The following MACF1 variants were observed in gnomAD, a reference collection of about 807,000 sequenced individuals.
MACF1 encodes microtubule actin crosslinking factor 1.
Under a neutral mutation model 854.8 loss-of-function variants are expected in MACF1, and 193 were observed. The ratio of observed to expected loss-of-function variants is 0.23; its 90% CI spans 0.20 to 0.25. The LOEUF (loss-of-function observed/expected upper bound fraction) is 0.25, where lower values mean the gene tolerates loss of function less well. MACF1 is among the 10% of genes least tolerant of loss of function. MACF1 has a pLI of 1.00. For synonymous variants in MACF1, 3,185 were observed against 3,226.7 expected, an observed-to-expected ratio of 0.99 and a Z score of 0.44; for missense variants, 7,722 against 8,929.1, an observed-to-expected ratio of 0.86 and a Z score of 5.45.
intron 23 of MACF1, among the ~76,000 whole-genome samples, chr1:39,306,159 T>C (rs1275933166): frequency 7.0e-6 from 1 of 143,872 alleles, no homozygotes; most frequent in African/African-American, 2.5e-5. Context: ...CTTTCTTTAC[T>C]TTTTTTTTTT....
intron 3 of MACF1, 102 bp downstream of exon 3, chr1:39,250,205 A>T: frequency 1.5e-6 from 1 of 657,764 alleles, no homozygotes; most frequent in Non-Finnish European, 2.6e-6. Context: ...TGTTTCATCT[A>T]TTAGAGGGGA....
intron 62 of MACF1, 23 bp from the exon 63 acceptor site, chr1:39,427,936 TCA>T: frequency 6.5e-7 from 1 of 1,531,344 alleles, no homozygotes; most frequent in Non-Finnish European, 8.9e-7. Flanking sequence ...TTTCTGTTAT[TCA>T]TTTTTTCCAT....
At chr1:39,323,316 G>A (rs1056614638) in intron 33 of MACF1, among the ~76,000 whole-genome samples, 3 of 151,948 alleles carry the variant, frequency 2.0e-5, no homozygotes, top group Non-Finnish European at 4.4e-5. Flanking sequence ...ACTCCAGCCT[G>A]GGCAATAGGC....
At chr1:39,232,746 G>GTTTTTTTTTTTTTTTTTTTTTTTTTTTTT (rs10712180) in intron 2 of MACF1, among the ~76,000 whole-genome samples, 4 of 128,500 alleles carry the variant, frequency 3.1e-5, no homozygotes, top group African/African-American at 5.8e-5. Flanking sequence ...TACTCTCTTT[G>GTTTTTTTTTTTTTTTTTTTTTTTTTTTTT]TTTTTTTTTT....
chr1:39,290,427 A>C (rs1003845967), intron 15 of MACF1, among the ~76,000 whole-genome samples: 1 of 152,134 alleles, frequency 6.6e-6, no homozygotes, highest in African/African-American at 2.4e-5. Flanking sequence ...CTATTTGGTT[A>C]CTATAGCTCT....
intron 2 of MACF1, among the ~76,000 whole-genome samples, chr1:39,121,695 G>A (rs1052906469): frequency 1.4e-4 from 22 of 152,130 alleles, no homozygotes; most frequent in Admixed American, 1.3e-3. Flanking sequence ...TAGTCCGCTC[G>A]TCTTGGCCTC....
intron 26 of MACF1, among the ~76,000 whole-genome samples, chr1:39,315,146 A>G (rs1003819144): frequency 1.3e-5 from 2 of 152,004 alleles, no homozygotes; most frequent in Non-Finnish European, 2.9e-5. Flanking sequence ...TTTCAATTCC[A>G]TCCTTTTCAT....
chr1:39,413,990 C>A, intron 58 of MACF1: 1 of 1,608,160 alleles, frequency 6.2e-7, no homozygotes, highest in Non-Finnish European at 8.5e-7. Flanking sequence ...GAGGAGCCCA[C>A]CTCCCCAGCA....
chr1:39,332,559 A>G lies in MACF1; in HGVS notation c.5971A>G (p.Thr1991Ala). ...LLLLDKELMETLTSRDEYQTS... is the reference protein window; with the variant it reads ...LLLLDKELMEALTSRDEYQTS... ...TCTGTTAGATAAAGAGCTGATGGAGACACTAACATCCAGAGATGAGTATCA... is the reference window on the plus strand; with the variant it reads ...TCTGTTAGATAAAGAGCTGATGGAGGCACTAACATCCAGAGATGAGTATCA... The change falls in exon 37 of 101, where the codon ACA becomes GCA. Residue 1991 changes from threonine (T) to alanine (A), a missense_variant. Physicochemically the swap from Thr to Ala is moderately conservative, Grantham distance 58 (BLOSUM62 0). Around this residue, in one of 15 missense-constraint regions of MACF1, gnomAD observed 1,531 missense variants for 1,601.6 expected, o/e 0.96. Transcript: ENST00000564288. 6.2e-7 allele frequency: 1 copy of G among 1,614,134 alleles called. No individual in the cohort carries two copies. The highest frequency in any genetic ancestry group is 8.5e-7 in the Non-Finnish European group (1 of 1,180,014).
chr1:39,112,636 A>C (rs1642441400), intron 2 of MACF1, among the ~76,000 whole-genome samples: 1 of 152,116 alleles, frequency 6.6e-6, no homozygotes, highest in Non-Finnish European at 1.5e-5. Context: ...AGCCAAGATG[A>C]CACCACTGCA....
intron 29 of MACF1, 110 bp from the exon 30 acceptor site, chr1:39,318,343 C>T (rs2148448242): frequency 3.3e-6 from 3 of 917,958 alleles, no homozygotes; most frequent in East Asian, 2.5e-5. Flanking sequence ...AAAGATGGAT[C>T]GTTTGTGGTC....
intron 38 of MACF1, 35 bp from the exon 39 acceptor site, chr1:39,340,467 T>C: frequency 6.6e-7 from 1 of 1,507,654 alleles, no homozygotes; most frequent in Middle Eastern, 1.7e-4. Flanking sequence ...GTTTCTAGTC[T>C]TGCTTTTATA....
intron 1 of MACF1, among the ~76,000 whole-genome samples, chr1:39,210,295 T>G (rs1243372426): frequency 6.6e-6 from 1 of 152,134 alleles, no homozygotes; most frequent in Non-Finnish European, 1.5e-5. Context: ...GTCATATATC[T>G]AACATATCTT....
At chr1:39,234,442 G>C in intron 2 of MACF1, among the ~76,000 whole-genome samples, 1 of 148,478 alleles carries the variant, frequency 6.7e-6, no homozygotes, top group South Asian at 2.1e-4. Context: ...CTCCCTCCCG[G>C]ACGGGGCGGC....
chr1:39,161,735 C>T (rs1365318919), intron 2 of MACF1, among the ~76,000 whole-genome samples: 3 of 151,804 alleles, frequency 2.0e-5, no homozygotes, highest in African/African-American at 4.8e-5. Flanking sequence ...GGCGTGGTGG[C>T]GGGCGCCTGT....
At chr1:39,323,336 A>G (rs1009722060) in intron 33 of MACF1, among the ~76,000 whole-genome samples, 4 of 152,030 alleles carry the variant, frequency 2.6e-5, no homozygotes, top group African/African-American at 4.8e-5. Flanking sequence ...CTGTCTCAAA[A>G]AAAAGCCCAA....
chr1:39,309,795 G>A, intron 24 of MACF1, 99 bp downstream of exon 24: 1 of 1,302,702 alleles, frequency 7.7e-7, no homozygotes, highest in Non-Finnish European at 1.1e-6. Context: ...CACCCAAATG[G>A]AGTAAAGTGG....
At position 39,138,065 on chromosome 1, in the gene MACF1, T is replaced by TC. The variant is rs1407914437; in HGVS notation, c.220+53629dup. Among the ~76,000 whole-genome samples, 4 of 100,668 alleles carry TC rather than the reference T, an allele frequency of 4.0e-5. No homozygotes were observed. The Admixed American group carries it at 5.8e-4, about 15-fold the overall frequency. 66.0% of individuals were successfully genotyped at this position (100,668 alleles called of 152,430 possible). A position where few individuals can be genotyped will look rare whatever the true frequency, so the allele number is the denominator to read the frequency against. ...CTCCAGCCTGGGTAACAGTCGAGACTCCATCTCAAAAAAAAAAAAAAAAAA... is the reference window on the plus strand; with the variant it reads ...CTCCAGCCTGGGTAACAGTCGAGACTCCCATCTCAAAAAAAAAAAAAAAAAA... On this transcript the variant is annotated intron_variant, in intron 2 of 93. Coordinates refer to the MACF1 transcript ENST00000361689.
chr1:39,358,980 G>A (rs1569684460), intron 46 of MACF1, 107 bp downstream of exon 46: 3 of 1,429,072 alleles, frequency 2.1e-6, no homozygotes, highest in East Asian at 2.3e-5. Context: ...CAGTGGTTGG[G>A]ATGCCTTGGA....
Sources: gnomAD v4.1 joint callset for allele counts (sites outside exome capture counted in the v4.1 genomes callset) on GRCh38, gnomAD v4.1.1 for gene constraint, gnomAD v4.1.1 regional missense constraint, MANE v1.5 for transcripts, NCBI Gene and HGNC (gene_info 2026-07-23, HGNC 2026-07-21) for gene names.